Variants in SMPDL3B observed in about 807,000 individuals in gnomAD.
SMPDL3B encodes sphingomyelin phosphodiesterase acid like 3B.
Under a neutral mutation model 37.9 loss-of-function variants are expected in SMPDL3B, and 31 were observed. The ratio of observed to expected loss-of-function variants is 0.82; its 90% CI spans 0.61 to 1.10. The LOEUF (loss-of-function observed/expected upper bound fraction) is 1.10. SMPDL3B is among the 50% of genes least tolerant of loss of function. The probability of loss-of-function intolerance (pLI) is 0.00; values close to 1 mark genes in which losing one functional copy is unlikely to be tolerated. For missense variants in SMPDL3B, 525 were observed against 597.8 expected (o/e 0.88, Z 1.27); for synonymous variants, 235 against 242.6 (o/e 0.97, Z 0.29).
At chr1:27,956,848 T>A (rs1553133262) in intron 7 of SMPDL3B, among the ~76,000 whole-genome samples, 1 of 151,814 alleles carries the variant, frequency 6.6e-6, no homozygotes, top group Non-Finnish European at 1.5e-5. Flanking sequence ...GTGTACTGTG[T>A]TAGATAGGTG....
chr1:27,954,765 A>C (rs568943629), intron 5 of SMPDL3B, among the ~76,000 whole-genome samples: 2 of 152,302 alleles, frequency 1.3e-5, no homozygotes, highest in African/African-American at 4.8e-5. Context: ...CAAGTCACAT[A>C]ATAAGTGACG....
chr1:27,954,237 G>A, intron 4 of SMPDL3B, 117 bp from the exon 5 acceptor site: 1 of 1,004,660 alleles, frequency 1.0e-6, no homozygotes, highest in Non-Finnish European at 1.5e-6. Context: ...CCACCCATGG[G>A]AAAGATGGGA....
At position 27,958,830 on chromosome 1, in the gene SMPDL3B, G is replaced by T; in HGVS notation, c.1360G>T (p.Val454Leu). Residue 454 changes from valine (V) to leucine (L), a missense_variant, in exon 8 of 8, where the codon GTG (valine) becomes TTG (leucine). Val to Leu is a conservative substitution (Grantham distance 32). Coordinates refer to ENST00000373894, the MANE Select transcript of SMPDL3B (RefSeq NM_014474.4). The surrounding 1 kb of genome is among the most constrained non-coding windows in gnomAD (Gnocchi z 5.6). ...LMALLGLCTL[V>L]L The stretch of plus-strand genomic sequence containing the variant: ...GGCCCTGCTGGGCCTGTGCACGCTC[G>T]TGCTGTGACCTGCCAGGCTCACCTT... 6.3e-7 allele frequency: 1 copy of T among 1,586,016 alleles called. No homozygotes were observed.
chr1:27,942,555 T>G (rs1443717050), intron 1 of SMPDL3B, among the ~76,000 whole-genome samples: 3 of 152,244 alleles, frequency 2.0e-5, no homozygotes, highest in African/African-American at 7.2e-5. Context: ...CTCGGCTCAC[T>G]GCAACCTCCG....
intron 4 of SMPDL3B, among the ~76,000 whole-genome samples, chr1:27,953,929 G>C (rs566354438): frequency 6.6e-6 from 1 of 152,224 alleles, no homozygotes; most frequent in Admixed American, 6.5e-5. Flanking sequence ...CCCTTTCCTC[G>C]GTCTCCTGCT....
chr1:27,945,549 G>A lies in SMPDL3B; in HGVS notation c.275+104G>A, dbSNP rs1386051464. On this transcript the variant is annotated intron_variant, in intron 2 of 7. Transcript: ENST00000373894. The surrounding 1 kb of genome is among the most constrained non-coding windows in gnomAD (Gnocchi z 4.0). ...ATTATCTCCCTTAATCCTCACATCA[G>A]TCTCACGTGAGGCTGAGGAACCTAA... 1 of 951,226 alleles carries A rather than the reference G, an allele frequency of 1.1e-6. No individual in the cohort carries two copies. The highest frequency in any genetic ancestry group is 1.6e-5 in the African/African-American group (1 of 61,546). 58.9% of individuals were successfully genotyped at this position (951,226 alleles called of 1,614,324 possible).
At chr1:27,936,747 G>T (rs4988883) in intron 1 of SMPDL3B, 59,570 of 151,798 alleles carry the variant, frequency 0.39, 12,116 homozygotes, top group South Asian at 0.55. Context: ...GGCCGGATGC[G>T]GTGGCTCACG....
chr1:27,941,882 A>G (rs182670726), intron 1 of SMPDL3B, among the ~76,000 whole-genome samples: 1 of 152,292 alleles, frequency 6.6e-6, no homozygotes, highest in African/African-American at 2.4e-5. Context: ...CTGGACCCCA[A>G]GGAGTTGGAG....
In SMPDL3B at chr1:27,955,832, C is replaced by T. The variant is rs764845722; in HGVS notation, c.839C>T (p.Thr280Ile). Residue 280 changes from threonine (T) to isoleucine (I), a missense_variant, in exon 6 of 8, where the codon ACC becomes ATC. By Grantham distance (89) the Thr-to-Ile change is moderately conservative. Transcript: ENST00000373894. ...IAGQFFGHHH[T>I]DSFRMLYDDA... is the part of the protein sequence containing the mutation. ...GGGCAGTTCTTCGGGCACCACCACA[C>T]CGACAGCTTTCGGATGCTCTATGAT... 3 of 1,614,130 alleles carry T rather than the reference C, an allele frequency of 1.9e-6. No individual in the cohort carries two copies. In the South Asian group the frequency reaches 3.3e-5, roughly 18 times the overall value.
At chr1:27,949,536 C>T (rs966023083) in intron 3 of SMPDL3B, among the ~76,000 whole-genome samples, 2 of 152,172 alleles carry the variant, frequency 1.3e-5, no homozygotes, top group African/African-American at 4.8e-5. Context: ...ATCCATCACC[C>T]TCAAACTGTC....
At chr1:27,950,742 T>C (rs10794510) in intron 3 of SMPDL3B, among the ~76,000 whole-genome samples, 93,856 of 152,090 alleles carry the variant, frequency 0.62, 29,064 homozygotes, top group South Asian at 0.76. Context: ...GTGATTCTCT[T>C]GCCTCAGCCT....
Position 27,953,452 on chromosome 1 carries a change from T to G in SMPDL3B, c.517+94T>G, listed in dbSNP as rs1247381760. On this transcript the variant is annotated intron_variant, in intron 4 of 7. Coordinates refer to ENST00000373894, the MANE Select transcript of SMPDL3B (RefSeq NM_014474.4). ...CAACCTCTTAGAATAAGTACTGATT[T>G]TATCCCCAATTTACAGATAAGGAAG... 20 of 1,141,222 alleles carry G rather than the reference T, an allele frequency of 1.8e-5. No homozygotes were observed. The East Asian group carries it at 4.9e-4, about 28-fold the overall frequency. 70.7% of individuals were successfully genotyped at this position (1,141,222 alleles called of 1,614,324 possible).
At chr1:27,950,823 T>C (rs528648524) in intron 3 of SMPDL3B, among the ~76,000 whole-genome samples, 1 of 152,296 alleles carries the variant, frequency 6.6e-6, no homozygotes, top group African/African-American at 2.4e-5. Flanking sequence ...AGAGATGGCA[T>C]TTCACTATGT....
Position 27,945,485 on chromosome 1 carries a change from T to C in SMPDL3B, c.275+40T>C, listed in dbSNP as rs2090399521. 1 of 1,518,178 alleles carries C rather than the reference T, an allele frequency of 6.6e-7. No individual in the cohort carries two copies. Among genetic ancestry groups the C allele is most frequent in the Non-Finnish European group, 9.1e-7 (1 of 1,094,622 alleles). The allele number at this position is 1,518,178 out of a possible 1,614,324, so 94.0% of individuals were successfully genotyped here. On this transcript the variant is annotated intron_variant, in intron 2 of 7. Coordinates refer to ENST00000373894, the MANE Select transcript of SMPDL3B (RefSeq NM_014474.4). The surrounding 1 kb of genome is among the most constrained non-coding windows in gnomAD (Gnocchi z 4.0). ...GGTGGCAGCTACCCTTTGCCAGGCA[T>C]CTGCTATGTGCTACATACCAGTCTG...
chr1:27,956,846 T>C (rs1638298106), intron 7 of SMPDL3B, among the ~76,000 whole-genome samples: 1 of 151,620 alleles, frequency 6.6e-6, no homozygotes, highest in African/African-American at 2.4e-5. Context: ...GTGTGTACTG[T>C]GTTAGATAGG....
At chr1:27,956,946 G>C (rs549584749) in intron 7 of SMPDL3B, among the ~76,000 whole-genome samples, 7 of 152,098 alleles carry the variant, frequency 4.6e-5, no homozygotes, top group African/African-American at 9.6e-5. Flanking sequence ...GAGGTGGAGG[G>C]AACAGCAAGT....
intron 3 of SMPDL3B, 49 bp downstream of exon 3, chr1:27,949,211 A>G: frequency 6.3e-7 from 1 of 1,582,590 alleles, no homozygotes; most frequent in African/African-American, 1.3e-5. Flanking sequence ...AACTCTAGGC[A>G]CTGCCTGGCA....
intron 5 of SMPDL3B, among the ~76,000 whole-genome samples, chr1:27,955,246 A>G (rs973015620): frequency 3.9e-5 from 6 of 152,198 alleles, no homozygotes; most frequent in African/African-American, 1.2e-4. Context: ...AACTCCTGCC[A>G]TGGTGGCCAA....
Position 27,956,000 on chromosome 1 carries a change from C to A in SMPDL3B, c.923C>A (p.Thr308Asn). ...ACACCTGGAGTCACCCCATGGAAAA[C>A]CACATTACCTGGAGTGGTCAATGGG... ...FITPGVTPWK[T>N]TLPGVVNGAN... The change falls in exon 7 of 8, where the codon ACC (threonine) becomes AAC (asparagine). Residue 308 changes from threonine to asparagine, a missense_variant. By Grantham distance (65) the Thr-to-Asn change is moderately conservative. Transcript: ENST00000373894. 1 of 1,614,116 alleles carries A rather than the reference C, an allele frequency of 6.2e-7. No homozygotes were observed. Among genetic ancestry groups the A allele is most frequent in the Non-Finnish European group, 8.5e-7 (1 of 1,180,014 alleles).
Sources: allele counts gnomAD v4.1 joint callset (sites outside exome capture counted in the v4.1 genomes callset), GRCh38; gene constraint gnomAD v4.1.1; non-coding constraint Gnocchi (gnomAD v3.1); transcripts MANE v1.5; gene names NCBI Gene and HGNC (gene_info 2026-07-23, HGNC 2026-07-21).